Variants in RPS6KA3 observed in about 807,000 individuals in gnomAD.
RPS6KA3 encodes the protein ribosomal protein S6 kinase alpha-3.
Under a neutral mutation model 67.2 loss-of-function variants are expected in RPS6KA3, and 4 were observed. The ratio of observed to expected loss-of-function variants is 0.06; its 90% CI spans 0.03 to 0.14. RPS6KA3 has a LOEUF of 0.14. RPS6KA3 is among the 10% of genes least tolerant of loss of function. The pLI, the probability that RPS6KA3 is intolerant of heterozygous loss-of-function variation, is 1.00. For synonymous variants in RPS6KA3, 182 were observed against 183.7 expected, an observed-to-expected ratio of 0.99 and a Z score of 0.07; for missense variants, 204 against 559.0, an observed-to-expected ratio of 0.36 and a Z score of 6.40.
At chrX:20,206,291 T>C (rs1266552179) in intron 3 of RPS6KA3, among the ~76,000 whole-genome samples, 1 of 112,268 alleles carries the variant, frequency 8.9e-6, no homozygotes, top group African/African-American at 3.2e-5. Context: ...TGTTTGGTAT[T>C]TATAGTATGA....
intron 1 of RPS6KA3, among the ~76,000 whole-genome samples, chrX:20,240,270 T>C (rs2069516378): frequency 1.0e-5 from 1 of 98,036 alleles, no homozygotes. Context: ...GCTGTAGGAA[T>C]GAACAAGGAC....
At chrX:20,160,871 T>C (rs1240360970) in intron 20 of RPS6KA3, among the ~76,000 whole-genome samples, 1 of 112,255 alleles carries the variant, frequency 8.9e-6, no homozygotes, top group Non-Finnish European at 1.9e-5. Context: ...TCACCTCAAC[T>C]CAAGCTTTCA....
intron 20 of RPS6KA3, among the ~76,000 whole-genome samples, chrX:20,158,389 G>C (rs868573255): frequency 1.4e-5 from 1 of 72,967 alleles, no homozygotes; most frequent in Non-Finnish European, 2.8e-5. Flanking sequence ...AAAAAAAAAA[G>C]AGAGAGAGAG....
chrX:20,155,500 A>G lies in RPS6KA3; in HGVS notation c.2121T>C (p.Tyr707=). ...HLVKGAMAAT[Y]SALNRNQSPV... ...GTGACTGATTACGGTTCAAAGCAGAATATGTAGCTGCCATGGCACCCTGAA... is the reference window on the plus strand; with the variant it reads ...GTGACTGATTACGGTTCAAAGCAGAGTATGTAGCTGCCATGGCACCCTGAA... Residue 707 remains tyrosine, a synonymous_variant, in exon 22 of 22, where the codon TAT becomes TAC. Transcript: ENST00000379565. 8.3e-7 allele frequency: 1 copy of G among 1,211,638 alleles called. No homozygotes were observed. Among genetic ancestry groups the G allele is most frequent in the African/African-American group, 1.7e-5 (1 of 57,866 alleles).
At chrX:20,237,332 G>A (rs1170844653) in intron 1 of RPS6KA3, among the ~76,000 whole-genome samples, 1 of 111,349 alleles carries the variant, frequency 9.0e-6, no homozygotes, top group Non-Finnish European at 1.9e-5. Context: ...ATTGTTTGGC[G>A]TTTAGAACCC....
chrX:20,209,597 C>T (rs905351083), intron 2 of RPS6KA3, among the ~76,000 whole-genome samples, 193 bp from the exon 3 acceptor site: 1 of 111,977 alleles, frequency 8.9e-6, no homozygotes, highest in Non-Finnish European at 1.9e-5. Context: ...ATGCCACACA[C>T]ATATACTTTC....
At chrX:20,216,957 A>T (rs1031856853) in intron 2 of RPS6KA3, among the ~76,000 whole-genome samples, 13 of 112,241 alleles carry the variant, frequency 1.2e-4, no homozygotes, top group African/African-American at 4.2e-4. Flanking sequence ...ACTAGGTGTT[A>T]GAGATACTAA....
intron 1 of RPS6KA3, among the ~76,000 whole-genome samples, chrX:20,236,593 C>G (rs1412924158): frequency 9.0e-6 from 1 of 111,278 alleles, no homozygotes; most frequent in Non-Finnish European, 1.9e-5. Context: ...AACATAGCCC[C>G]TATCTTAGAA....
At chrX:20,175,811 G>A (rs1003787789) in intron 13 of RPS6KA3, among the ~76,000 whole-genome samples, 21 of 111,697 alleles carry the variant, frequency 1.9e-4, no homozygotes, top group Non-Finnish European at 3.6e-4. Flanking sequence ...GAGATACAAG[G>A]TTGATCTACA....
At chrX:20,247,828 T>C (rs979770530) in intron 1 of RPS6KA3, among the ~76,000 whole-genome samples, 9 of 109,653 alleles carry the variant, frequency 8.2e-5, no homozygotes, top group Non-Finnish European at 1.5e-4. Flanking sequence ...AGAATACTTA[T>C]TCAAAACAAA....
intron 1 of RPS6KA3, among the ~76,000 whole-genome samples, chrX:20,244,820 G>A (rs1167594528): frequency 8.9e-6 from 1 of 111,791 alleles, no homozygotes; most frequent in Non-Finnish European, 1.9e-5. Flanking sequence ...GTATTTATTT[G>A]TTAAATACAC....
chrX:20,224,644 T>C (rs774446627), intron 2 of RPS6KA3, among the ~76,000 whole-genome samples: 2 of 111,797 alleles, frequency 1.8e-5, no homozygotes, highest in Non-Finnish European at 1.9e-5. Flanking sequence ...GACAGTGTTA[T>C]AAAGTGGTAA....
rs1414172659 is a variant in RPS6KA3, at chrX:20,155,195, C to T, written c.*203G>A. On this transcript the variant is annotated 3_prime_UTR_variant, in exon 22 of 22. Coordinates refer to ENST00000379565, the MANE Select transcript of RPS6KA3 (RefSeq NM_004586.3). ...ATCATGTTTCCATTTTCATTTCTTC[C>T]GAAGCTCCAGGAAAATCTAACTTGC... 56 of 466,833 alleles carry T rather than the reference C, an allele frequency of 1.2e-4. 2 individuals carry two copies. In the South Asian group the frequency reaches 1.4e-3, roughly 12 times the overall value. 38.5% of individuals were successfully genotyped at this position (466,833 alleles called of 1,213,427 possible). A position where few individuals can be genotyped will look rare whatever the true frequency, so the allele number is the denominator to read the frequency against.
intron 14 of RPS6KA3, among the ~76,000 whole-genome samples, chrX:20,173,330 T>A (rs1202201727): frequency 8.9e-6 from 1 of 112,321 alleles, no homozygotes. Flanking sequence ...ACTTTGAGCC[T>A]GTATTTTCTC....
chrX:20,175,456 T>G (rs1310700786), intron 13 of RPS6KA3, among the ~76,000 whole-genome samples, 168 bp from the exon 14 acceptor site: 1 of 112,389 alleles, frequency 8.9e-6, no homozygotes, highest in Non-Finnish European at 1.9e-5. Context: ...AGATCTGTTC[T>G]GATTGTGTAT....
chrX:20,179,688 CTT>C (rs200971980), intron 10 of RPS6KA3, among the ~76,000 whole-genome samples: 11,577 of 111,099 alleles, frequency 0.1, 592 homozygotes, highest in Non-Finnish European at 0.14. Context: ...TATTTATTCT[CTT>C]TTTCTTGGAT....
Position 20,150,787 on chromosome X carries a change from G to A in RPS6KA3, c.*4611C>T, listed in dbSNP as rs2067091581. ...CTACTCATGGTATGTGCTCTAAGGA[G>A]GTTTTATTGAGGTTTGTACCTCTGA... is the stretch of plus-strand genomic sequence containing the variant. On this transcript the variant is annotated 3_prime_UTR_variant, in exon 22 of 22. Coordinates refer to ENST00000379565, the MANE Select transcript of RPS6KA3 (RefSeq NM_004586.3). The A allele has an allele frequency of 8.9e-6, 1 of 111,979 alleles. No homozygotes were observed. Among genetic ancestry groups the A allele is most frequent in the Admixed American group, 9.5e-5 (1 of 10,481 alleles). 9.2% of individuals were successfully genotyped at this position (111,979 alleles called of 1,213,427 possible). A position where few individuals can be genotyped will look rare whatever the true frequency, so the allele number is the denominator to read the frequency against.
At chrX:20,264,769 C>T (rs1448928869) in intron 1 of RPS6KA3, among the ~76,000 whole-genome samples, 2 of 112,066 alleles carry the variant, frequency 1.8e-5, no homozygotes, top group African/African-American at 6.5e-5. Context: ...GTGGACTGAT[C>T]TTGAGTTGCA....
At chrX:20,159,969 G>A (rs2067269665) in intron 20 of RPS6KA3, among the ~76,000 whole-genome samples, 1 of 111,540 alleles carries the variant, frequency 9.0e-6, no homozygotes, top group Admixed American at 9.6e-5. Context: ...ATGCAACCCT[G>A]CACTAGTCAC....
Sources: gnomAD v4.1 joint callset for allele counts (sites outside exome capture counted in the v4.1 genomes callset) on GRCh38, gnomAD v4.1.1 for gene constraint, MANE v1.5 for transcripts, NCBI Gene and HGNC (gene_info 2026-07-23, HGNC 2026-07-21) for gene names.